NELL1: variants seen among roughly 807,000 people sequenced by gnomAD.
NELL1 encodes neural EGFL like 1, also known as protein kinase C-binding protein NELL1.
In NELL1, 76 loss-of-function variants were observed where a neutral mutation model predicts 107.4. That is an observed-to-expected ratio of 0.71 (90% CI 0.59 to 0.86). The LOEUF (loss-of-function observed/expected upper bound fraction) is 0.86, where lower values mean the gene tolerates loss of function less well. NELL1 is among the 40% of genes least tolerant of loss of function. The pLI, the probability that NELL1 is intolerant of heterozygous loss-of-function variation, is 0.00. For missense variants in NELL1, 1,024 were observed against 1,005.5 expected (o/e 1.02, Z -0.25); for synonymous variants, 353 against 341.2 (o/e 1.03, Z -0.38).
chr11:21,197,782 T>C (rs143193748), intron 13 of NELL1, among the ~76,000 whole-genome samples: 404 of 152,248 alleles, frequency 2.7e-3, no homozygotes, highest in African/African-American at 8.7e-3. Context: ...AGAGAGTCTT[T>C]CTAGGTGCTT....
rs58749289 is a variant in NELL1 at position 20,747,827 on chromosome 11, G to A, written c.185-35853G>A. 8.3e-3 allele frequency among the ~76,000 whole-genome samples: 1,267 copies of A among 152,316 alleles called. 11 individuals are homozygous for A. Among genetic ancestry groups the A allele is most frequent in the African/African-American group, 0.029 (1,212 of 41,576 alleles). ...GTAAGTTTTAGGCCTTCTTGAGCATGGCAGCTGTGTATGGTTTCCCTTGCT... is the reference window on the plus strand; with the variant it reads ...GTAAGTTTTAGGCCTTCTTGAGCATAGCAGCTGTGTATGGTTTCCCTTGCT... On this transcript the variant is annotated intron_variant, in intron 2 of 19. Transcript: ENST00000357134.
At chr11:21,488,267 T>C (rs142718658) in intron 15 of NELL1, among the ~76,000 whole-genome samples, 2 of 152,254 alleles carry the variant, frequency 1.3e-5, no homozygotes, top group Non-Finnish European at 2.9e-5. Context: ...ATAGACCGTA[T>C]GTTAGGCAAC....
intron 4 of NELL1, among the ~76,000 whole-genome samples, chr11:20,863,868 G>GGC (rs539581976): frequency 1.6e-3 from 242 of 152,338 alleles, no homozygotes; most frequent in African/African-American, 5.3e-3. Flanking sequence ...CACCTCAGGA[G>GGC]GCGGAAGCTG....
chr11:20,893,096 A>G (rs1005802675), intron 5 of NELL1, among the ~76,000 whole-genome samples: 2 of 152,188 alleles, frequency 1.3e-5, no homozygotes, highest in Non-Finnish European at 2.9e-5. Flanking sequence ...GAATGAGATC[A>G]TGTCCTTTGC....
chr11:20,813,572 T>G (rs1377202485), intron 3 of NELL1, among the ~76,000 whole-genome samples: 2 of 152,240 alleles, frequency 1.3e-5, no homozygotes, highest in Non-Finnish European at 2.9e-5. Context: ...ATTTATCTCT[T>G]TCTGAGTATT....
intron 13 of NELL1, among the ~76,000 whole-genome samples, chr11:21,196,043 T>C (rs1343041648): frequency 6.6e-6 from 1 of 152,190 alleles, no homozygotes; most frequent in Non-Finnish European, 1.5e-5. Flanking sequence ...TGTTTCTACA[T>C]CTTGTGTGTA....
chr11:20,686,932 G>GTT (rs368676309), intron 2 of NELL1, among the ~76,000 whole-genome samples: 200 of 139,310 alleles, frequency 1.4e-3, no homozygotes, highest in Admixed American at 7.0e-3. Flanking sequence ...AGGGGCTTCA[G>GTT]TTTTTTTTTT....
At chr11:20,784,872 A>C (rs1042534481) in intron 3 of NELL1, among the ~76,000 whole-genome samples, 9 of 152,218 alleles carry the variant, frequency 5.9e-5, no homozygotes, top group African/African-American at 2.2e-4. Flanking sequence ...AGGCATAACC[A>C]CACAAAAAGC....
intron 14 of NELL1, among the ~76,000 whole-genome samples, chr11:21,318,936 T>C (rs1393187173): frequency 6.6e-6 from 1 of 152,056 alleles, no homozygotes; most frequent in African/African-American, 2.4e-5. Flanking sequence ...TCCCTCAGTG[T>C]ATTCATCTGT....
chr11:21,442,289 T>C (rs1218295364), intron 15 of NELL1, among the ~76,000 whole-genome samples: 1 of 152,140 alleles, frequency 6.6e-6, no homozygotes, highest in African/African-American at 2.4e-5. Flanking sequence ...GAATTCTATA[T>C]ATCAACCTTG....
chr11:20,752,968 G>GAC (rs1335460143), intron 2 of NELL1, among the ~76,000 whole-genome samples: 7 of 151,930 alleles, frequency 4.6e-5, no homozygotes, highest in Admixed American at 1.3e-4. Flanking sequence ...ATTAACAGAT[G>GAC]ACACACACAC....
chr11:21,017,878 G>T (rs866537903), intron 12 of NELL1, among the ~76,000 whole-genome samples: 5 of 152,076 alleles, frequency 3.3e-5, no homozygotes, highest in Non-Finnish European at 2.9e-5. Flanking sequence ...TGGAATGAAA[G>T]AATGAAGTCT....
intron 15 of NELL1, among the ~76,000 whole-genome samples, chr11:21,485,563 C>T (rs759114386): frequency 6.6e-6 from 1 of 151,754 alleles, no homozygotes; most frequent in Non-Finnish European, 1.5e-5. Context: ...CAAATACTAC[C>T]GCCTCTGCTT....
intron 14 of NELL1, among the ~76,000 whole-genome samples, chr11:21,238,361 G>A (rs1858263494): frequency 6.6e-6 from 1 of 151,992 alleles, no homozygotes; most frequent in Admixed American, 6.6e-5. Context: ...GAATTTTGGA[G>A]GCTGTGGATT....
At chr11:21,006,363 G>A (rs1203722454) in intron 12 of NELL1, among the ~76,000 whole-genome samples, 1 of 152,080 alleles carries the variant, frequency 6.6e-6, no homozygotes, top group African/African-American at 2.4e-5. Flanking sequence ...CAGTAATGCT[G>A]TCTTCCCCAG....
intron 12 of NELL1, among the ~76,000 whole-genome samples, chr11:21,039,137 G>T (rs1853165368): frequency 6.6e-6 from 1 of 152,118 alleles, no homozygotes; most frequent in Non-Finnish European, 1.5e-5. Context: ...ATGTTTAAGG[G>T]AAAGGGGAAG....
intron 17 of NELL1, among the ~76,000 whole-genome samples, chr11:21,565,891 A>G (rs940189693): frequency 3.9e-5 from 6 of 151,962 alleles, no homozygotes; most frequent in African/African-American, 1.4e-4. Flanking sequence ...CAAAATTAAT[A>G]CTTTGTAAAA....
At chr11:20,992,519 G>A (rs1404572407) in intron 12 of NELL1, among the ~76,000 whole-genome samples, 1 of 152,068 alleles carries the variant, frequency 6.6e-6, no homozygotes, top group Admixed American at 6.6e-5. Context: ...TTCTAGTTCT[G>A]TTCATAGTTT....
At chr11:20,722,813 C>T (rs527872692) in intron 2 of NELL1, among the ~76,000 whole-genome samples, 5 of 152,288 alleles carry the variant, frequency 3.3e-5, no homozygotes, top group Non-Finnish European at 5.9e-5. Flanking sequence ...TCAGTCTATT[C>T]TCACACTGCT....
Sources: gnomAD v4.1 joint callset for allele counts (sites outside exome capture counted in the v4.1 genomes callset) on GRCh38, gnomAD v4.1.1 for gene constraint, MANE v1.5 for transcripts, NCBI Gene and HGNC (gene_info 2026-07-23, HGNC 2026-07-21) for gene names.